The following TTC22 variants were observed in gnomAD, a reference collection of about 807,000 sequenced individuals.
TTC22 encodes tetratricopeptide repeat protein 22.
TTC22 carries 42 observed loss-of-function variants against 48.2 expected under a neutral mutation model. That is an observed-to-expected ratio of 0.87 (90% CI 0.68 to 1.13). The LOEUF is 1.13. TTC22 is among the 50% of genes most tolerant of loss of function. The pLI, the probability that TTC22 is intolerant of heterozygous loss-of-function variation, is 0.00. For synonymous variants in TTC22, 345 were observed against 365.5 expected, an observed-to-expected ratio of 0.94 and a Z score of 0.64; for missense variants, 784 against 807.0, an observed-to-expected ratio of 0.97 and a Z score of 0.34.
rs1193169499 is a variant in TTC22 at position 54,800,726 on chromosome 1, G to A, written c.438C>T (p.Ala146=). The A allele has an allele frequency of 1.0e-5, 16 of 1,542,874 alleles. No homozygotes were observed. Among genetic ancestry groups the A allele is most frequent in the South Asian group, 9.5e-5 (8 of 84,452 alleles). Residue 146 remains alanine (A), a synonymous_variant, in exon 1 of 7, where the codon GCC becomes GCT. Coordinates refer to ENST00000371276, the MANE Select transcript of TTC22 (RefSeq NM_001114108.2). ...PEAAGDPQLR[A]ARCLAEQGYA... ...AGCCCTGCTCGGCCAGGCAGCGAGC[G>A]GCGCGGAGCTGGGGGTCCCCGGCGG... is the stretch of plus-strand genomic sequence containing the variant.
intron 1 of TTC22, among the ~76,000 whole-genome samples, chr1:54,790,030 G>C (rs1489728650): frequency 6.6e-6 from 1 of 152,140 alleles, no homozygotes; most frequent in Non-Finnish European, 1.5e-5. Context: ...CTGAGTACCA[G>C]GGTCAGGACT....
rs1191867467 is a variant in TTC22 at position 54,800,610 on chromosome 1, C to T, written c.554G>A (p.Gly185Asp). 1.9e-6 allele frequency: 3 copies of T among 1,538,490 alleles called. No homozygotes were observed. Among genetic ancestry groups the T allele is most frequent in the Non-Finnish European group, 1.7e-6 (2 of 1,155,632 alleles). The change falls in exon 1 of 7, where the codon GGC (glycine) becomes GAC (aspartate). Residue 185 changes from glycine (G) to aspartate (D), a missense_variant. Gly to Asp is a moderately conservative substitution (Grantham distance 94). Coordinates refer to ENST00000371276, the MANE Select transcript of TTC22 (RefSeq NM_001114108.2). The part of the protein sequence containing the change: ...AGIALYDKAL[G>D]YGQQIPMEEK... Reference sequence around the variant, plus strand: ...GGGGTCACCTACCTGCTGCCCGTAGCCTAGCGCCTTGTCGTAGAGCGCGAT... The same window carrying T: ...GGGGTCACCTACCTGCTGCCCGTAGTCTAGCGCCTTGTCGTAGAGCGCGAT...
chr1:54,791,131 A>T (rs1475008153), intron 1 of TTC22, among the ~76,000 whole-genome samples: 1 of 152,146 alleles, frequency 6.6e-6, no homozygotes, highest in Non-Finnish European at 1.5e-5. Flanking sequence ...AAGTGCTGGG[A>T]TTACAGGTGT....
chr1:54,782,589 G>T, intron 5 of TTC22, 112 bp from the exon 6 acceptor site: 1 of 1,203,140 alleles, frequency 8.3e-7, no homozygotes, highest in Non-Finnish European at 1.1e-6. Flanking sequence ...GAGGTTATGT[G>T]TTGCAGTAGA....
intron 5 of TTC22, chr1:54,785,331 G>A (rs1190861038): frequency 3.4e-6 from 1 of 292,376 alleles, no homozygotes; most frequent in Admixed American, 4.9e-5. Context: ...ATATCTTACA[G>A]ATTTGGGAAC....
chr1:54,786,255 T>C (rs985244993), intron 4 of TTC22, 111 bp from the exon 5 acceptor site: 1 of 1,021,300 alleles, frequency 9.8e-7, no homozygotes, highest in Non-Finnish European at 1.5e-6. Context: ...CGTATCAACA[T>C]GGTGCCCTTT....
chr1:54,801,233 T>C lies in TTC22; in HGVS notation c.-70A>G, dbSNP rs1021705528. 2.7e-6 allele frequency: 4 copies of C among 1,489,804 alleles called. No homozygotes were observed. Among genetic ancestry groups the C allele is most frequent in the Non-Finnish European group, 2.7e-6 (3 of 1,098,222 alleles). 92.3% of individuals were successfully genotyped at this position (1,489,804 alleles called of 1,614,324 possible). ...TGTGGAGGGCAGTGGATGGGGGCGTTCCCCGAGCGAGCTCCGTGCGGGAGG... is the reference window on the plus strand; with the variant it reads ...TGTGGAGGGCAGTGGATGGGGGCGTCCCCCGAGCGAGCTCCGTGCGGGAGG... On this transcript the variant is annotated 5_prime_UTR_variant, in exon 1 of 7. Coordinates refer to ENST00000371276, the MANE Select transcript of TTC22 (RefSeq NM_001114108.2).
At chr1:54,789,008 T>C (rs1646329464) in intron 1 of TTC22, among the ~76,000 whole-genome samples, 1 of 152,236 alleles carries the variant, frequency 6.6e-6, no homozygotes, top group African/African-American at 2.4e-5. Context: ...GCCAGGATCC[T>C]GACACCCATT....
chr1:54,798,314 A>T (rs1357418049), intron 1 of TTC22, among the ~76,000 whole-genome samples: 1 of 152,018 alleles, frequency 6.6e-6, no homozygotes, highest in African/African-American at 2.4e-5. Flanking sequence ...GTCCCCCCTC[A>T]TTCCTGCCTG....
intron 1 of TTC22, among the ~76,000 whole-genome samples, chr1:54,792,439 CTCTT>C (rs1410687665): frequency 2.0e-5 from 3 of 151,388 alleles, no homozygotes; most frequent in South Asian, 2.1e-4. Flanking sequence ...CTGTCTCTCT[CTCTT>C]TTTTTTTTTT....
chr1:54,801,171 C>T lies in TTC22; in HGVS notation c.-8G>A, dbSNP rs756942306. On this transcript the variant is annotated 5_prime_UTR_variant, in exon 1 of 7. Coordinates refer to ENST00000371276, the MANE Select transcript of TTC22 (RefSeq NM_001114108.2). ...AGCCTCCAGCTCCGCCATGACTGCT[C>T]CCTCTGCTCCCCTGGCCTCACCCTT... 1.9e-6 allele frequency: 3 copies of T among 1,609,638 alleles called. No individual in the cohort carries two copies. The African/African-American group carries it at 4.0e-5, about 21-fold the overall frequency.
Position 54,786,990 on chromosome 1 carries a change from G to C in TTC22, c.825C>G (p.Tyr275Ter). 1 of 1,563,532 alleles carries C rather than the reference G, an allele frequency of 6.4e-7. No individual in the cohort carries two copies. The highest frequency in any genetic ancestry group is 8.7e-7 in the Non-Finnish European group (1 of 1,155,558). ...AGCAGTCTAGAGGGTCGGTCCCTGA[G>C]TACCCGCAGTCATGGACGCCCATGG... ...TTPMGVHDCGYSGTDPLDCFG... is the reference protein window; with the variant it reads ...TTPMGVHDCG Residue 275 changes from tyrosine (Y) to a stop codon, truncating the protein, a stop_gained, in exon 4 of 7, where the codon TAC (tyrosine) becomes TAG (stop). Coordinates refer to ENST00000371276, the MANE Select transcript of TTC22 (RefSeq NM_001114108.2). LOFTEE classifies it high-confidence loss of function.
At chr1:54,786,649 A>G (rs1646303921) in intron 4 of TTC22, 1 of 308,096 alleles carries the variant, frequency 3.2e-6, no homozygotes, top group Non-Finnish European at 5.9e-6. Flanking sequence ...TCTTTCTACT[A>G]TGCCACTGGG....
At position 54,801,244 on chromosome 1, in the gene TTC22, G is replaced by A; in HGVS notation, c.-81C>T. The stretch of plus-strand genomic sequence containing the variant: ...GTGGATGGGGGCGTTCCCCGAGCGA[G>A]CTCCGTGCGGGAGGCGAGGGGCAGC... On this transcript the variant is annotated 5_prime_UTR_variant, in exon 1 of 7. Transcript: ENST00000371276. The A allele has an allele frequency of 1.4e-6, 2 of 1,433,000 alleles. No homozygotes were observed. The highest frequency in any genetic ancestry group is 2.5e-5 in the South Asian group (2 of 79,546). The allele number at this position is 1,433,000 out of a possible 1,614,324, so 88.8% of individuals were successfully genotyped here. A position where few individuals can be genotyped will look rare whatever the true frequency, so the allele number is the denominator to read the frequency against.
At chr1:54,795,679 A>G (rs1273175779) in intron 1 of TTC22, among the ~76,000 whole-genome samples, 2 of 152,206 alleles carry the variant, frequency 1.3e-5, no homozygotes, top group Non-Finnish European at 2.9e-5. Flanking sequence ...GCACTCTCAC[A>G]TACATCATCT....
chr1:54,782,458 A>G lies in TTC22; in HGVS notation c.1040T>C (p.Leu347Pro), dbSNP rs1183781051. ...CATCTTGGCCCGCTTGAGGTCATGC[A>G]GGTAGGCTCTGATGTGGATCTGCCA... ...TRAKIHIRAY[L>P]HDLKRAKMGL... The change falls in exon 6 of 7, where the codon CTG (leucine) becomes CCG (proline). Residue 347 changes from leucine (L) to proline (P), a missense_variant. Physicochemically the swap from Leu to Pro is moderately conservative, Grantham distance 98. Coordinates refer to ENST00000371276, the MANE Select transcript of TTC22 (RefSeq NM_001114108.2). The G allele has an allele frequency of 7.1e-6, 11 of 1,549,604 alleles. No homozygotes were observed. The Admixed American group carries it at 1.8e-4, about 25-fold the overall frequency.
chr1:54,793,651 G>A (rs1219584391), intron 1 of TTC22, among the ~76,000 whole-genome samples: 1 of 152,036 alleles, frequency 6.6e-6, no homozygotes, highest in East Asian at 1.9e-4. Context: ...CATGTCCAGT[G>A]TAACAGTCTC....
intron 1 of TTC22, chr1:54,792,804 C>A (rs1646362586): frequency 6.6e-6 from 1 of 152,170 alleles, no homozygotes; most frequent in Non-Finnish European, 1.5e-5. Flanking sequence ...GAAGCTGTTA[C>A]TAGGGGCAAC....
Position 54,801,091 on chromosome 1 carries a change from A to C in TTC22, c.73T>G (p.Phe25Val), listed in dbSNP as rs1646434174. The change falls in exon 1 of 7, where the codon TTT becomes GTT. Residue 25 changes from phenylalanine (F) to valine (V), a missense_variant. Transcript: ENST00000371276. Reference sequence around the variant, plus strand: ...AAGTTCAACTGCATCTCCAGGTGAAAGTGGCCCGGGAGGTAGTCCAGGTCG... The same window carrying C: ...AAGTTCAACTGCATCTCCAGGTGAACGTGGCCCGGGAGGTAGTCCAGGTCG... The part of the protein sequence containing the change: ...IDDLDYLPGH[F>V]HLEMQLNFEP... 1.2e-6 allele frequency: 2 copies of C among 1,611,696 alleles called. No individual in the cohort carries two copies. The highest frequency in any genetic ancestry group is 1.3e-5 in the African/African-American group (1 of 74,850).
Sources: gnomAD v4.1 joint callset for allele counts (sites outside exome capture counted in the v4.1 genomes callset) on GRCh38, gnomAD v4.1.1 for gene constraint, MANE v1.5 for transcripts, NCBI Gene and HGNC (gene_info 2026-07-23, HGNC 2026-07-21) for gene names.